Variants in NGB observed in about 807,000 individuals in gnomAD.
The protein encoded by NGB is neuroglobin.
NGB carries 12 observed loss-of-function variants against 17.3 expected under a neutral mutation model. The ratio of observed to expected loss-of-function variants is 0.69; its 90% CI spans 0.45 to 1.13. The LOEUF (loss-of-function observed/expected upper bound fraction) is 1.13, where lower values mean the gene tolerates loss of function less well. Ranked by LOEUF, NGB falls within the 50% of genes most tolerant of loss-of-function variation. NGB has a pLI of 0.00. For missense variants in NGB, 195 were observed against 191.7 expected (o/e 1.02, Z -0.10); for synonymous variants, 87 against 81.0 (o/e 1.07, Z -0.40).
At position 77,270,832 on chromosome 14, in the gene NGB, G is replaced by C. The variant is rs1294537369; in HGVS notation, c.89+17C>G. Reference sequence around the variant, plus strand: ...GCAGCCTCCACCCGCATCCCCGGGCGCTCGTGTAGCCCTCACCTGGCAAAC... The same window carrying C: ...GCAGCCTCCACCCGCATCCCCGGGCCCTCGTGTAGCCCTCACCTGGCAAAC... On this transcript the variant is annotated intron_variant, in intron 1 of 3. Coordinates refer to ENST00000298352, the MANE Select transcript of NGB (RefSeq NM_021257.4). The C allele has an allele frequency of 3.2e-6, 5 of 1,557,302 alleles. No individual in the cohort carries two copies. The African/African-American group carries it at 5.5e-5, about 17-fold the overall frequency.
intron 1 of NGB, among the ~76,000 whole-genome samples, chr14:77,269,819 C>G (rs1474210146): frequency 8.4e-5 from 7 of 83,180 alleles, no homozygotes; most frequent in East Asian, 7.4e-4. Flanking sequence ...CCCCCCCCCC[C>G]CCCCTGCGCT....
chr14:77,269,407 C>G (rs1286165536), intron 1 of NGB, 81 bp from the exon 2 acceptor site: 2 of 957,292 alleles, frequency 2.1e-6, no homozygotes, highest in Admixed American at 4.3e-5. Flanking sequence ...CTGCAGTCAG[C>G]GGGCGGGGGT....
chr14:77,271,019 G>C lies in NGB; in HGVS notation c.-82C>G. 1 of 1,064,322 alleles carries C rather than the reference G, an allele frequency of 9.4e-7. No individual in the cohort carries two copies. Among genetic ancestry groups the C allele is most frequent in the Non-Finnish European group, 1.3e-6 (1 of 768,356 alleles). The allele number at this position is 1,064,322 out of a possible 1,614,324, so 65.9% of individuals were successfully genotyped here. ...CCGCACGTGCCGCGCCATCTCCTCC[G>C]CGACGCGGTCCCCTCCGCCCCTCGT... On this transcript the variant is annotated 5_prime_UTR_variant, in exon 1 of 4. Coordinates refer to ENST00000298352, the MANE Select transcript of NGB (RefSeq NM_021257.4).
At chr14:77,270,042 C>T (rs1465925720) in intron 1 of NGB, among the ~76,000 whole-genome samples, 3 of 151,832 alleles carry the variant, frequency 2.0e-5, no homozygotes, top group Non-Finnish European at 4.4e-5. Flanking sequence ...AGAGGCCCTC[C>T]TCGGCATTTG....
At chr14:77,268,110 A>G (rs1889698435) in intron 3 of NGB, among the ~76,000 whole-genome samples, 1 of 152,250 alleles carries the variant, frequency 6.6e-6, no homozygotes, top group African/African-American at 2.4e-5. Flanking sequence ...CTCCAGCTAC[A>G]CCATGTGGAG....
At chr14:77,268,376 G>C in intron 3 of NGB, 90 bp downstream of exon 3, 2 of 1,394,914 alleles carry the variant, frequency 1.4e-6, no homozygotes, top group Non-Finnish European at 2.0e-6. Flanking sequence ...TATGGGAATG[G>C]GAGAGAGAAC....
At chr14:77,268,369 G>A in intron 3 of NGB, 97 bp downstream of exon 3, 3 of 1,332,340 alleles carry the variant, frequency 2.3e-6, no homozygotes, top group Admixed American at 2.1e-5. Context: ...CTAAGGATAT[G>A]GGAATGGGAG....
In NGB at chr14:77,266,558, C is replaced by T. The variant is rs1889674003; in HGVS notation, c.434G>A (p.Ser145Asn). ...CTCTTACTCGCCATCCCAGCCTCGACTCATGGCCTGCACTACGGCCCCGTA... is the reference window on the plus strand; with the variant it reads ...CTCTTACTCGCCATCCCAGCCTCGATTCATGGCCTGCACTACGGCCCCGTA... ...QLYGAVVQAM[S>N]RGWDGE The change falls in exon 4 of 4, where the codon AGT (serine) becomes AAT (asparagine). Residue 145 changes from serine (S) to asparagine (N), a missense_variant. By Grantham distance (46) the Ser-to-Asn change is conservative. Transcript: ENST00000298352. 3 of 1,613,844 alleles carry T rather than the reference C, an allele frequency of 1.9e-6. No individual in the cohort carries two copies. The African/African-American group carries it at 4.0e-5, about 22-fold the overall frequency.
rs143341202 is a variant in NGB at position 77,269,273 on chromosome 14, T to C, written c.143A>G (p.Gln48Arg). The C allele has an allele frequency of 1.3e-6, 2 of 1,551,760 alleles. No individual in the cohort carries two copies. The highest frequency in any genetic ancestry group is 1.4e-5 in the African/African-American group (1 of 73,082). ...GAGACAGTCCTCTGGGCTGGAGAACTGGCGGCAGTTGTACTGGAAGAGGGG... is the reference window on the plus strand; with the variant it reads ...GAGACAGTCCTCTGGGCTGGAGAACCGGCGGCAGTTGTACTGGAAGAGGGG... ...LLPLFQYNCR[Q>R]FSSPEDCLSS... The change falls in exon 2 of 4, where the codon CAG becomes CGG. Residue 48 changes from glutamine (Q) to arginine (R), a missense_variant. Transcript: ENST00000298352.
rs28909970 is a variant in NGB, at chr14:77,265,926, G to T, written c.*610C>A. On this transcript the variant is annotated 3_prime_UTR_variant, in exon 4 of 4. Transcript: ENST00000298352. The surrounding 1 kb of genome is among the most constrained non-coding windows in gnomAD (Gnocchi z 4.7). The stretch of plus-strand genomic sequence containing the variant: ...GCCAAAGGAAACCGACTCTGTCAGG[G>T]CATCTGCACAGCCCGCGAGACTCAA... 8.4e-3 allele frequency: 1,636 copies of T among 195,808 alleles called. 14 individuals are homozygous for T. The highest frequency in any genetic ancestry group is 0.02 in the South Asian group (216 of 10,734). The allele number at this position is 195,808 out of a possible 1,614,324, so 12.1% of individuals were successfully genotyped here. A position where few individuals can be genotyped will look rare whatever the true frequency, so the allele number is the denominator to read the frequency against.
Position 77,269,122 on chromosome 14 carries a change from T to C in NGB, c.201+93A>G, listed in dbSNP as rs1029439527. The C allele has an allele frequency of 8.7e-6, 7 of 806,154 alleles. No individual in the cohort carries two copies. In the African/African-American group the frequency reaches 1.0e-4, roughly 12 times the overall value. 49.9% of individuals were successfully genotyped at this position (806,154 alleles called of 1,614,324 possible). On this transcript the variant is annotated intron_variant, in intron 2 of 3. Coordinates refer to ENST00000298352, the MANE Select transcript of NGB (RefSeq NM_021257.4). ...TGGGGGAACTGGAAGGGAGTAAGAC[T>C]AGACCTGGGGCAGAAAGTCATTTTC...
At position 77,270,917 on chromosome 14, in the gene NGB, C is replaced by A; in HGVS notation, c.21G>T (p.Glu7Asp). Residue 7 changes from glutamate (E) to aspartate (D), a missense_variant, in exon 1 of 4, where the codon GAG (glutamate) becomes GAT (aspartate). Glu to Asp is a conservative substitution (Grantham distance 45, BLOSUM62 2). Coordinates refer to ENST00000298352, the MANE Select transcript of NGB (RefSeq NM_021257.4). The part of the protein sequence containing the change: MERPEP[E>D]LIRQSWRAVS... ...CTGCCCGCCAGCTCTGCCGGATCAGCTCGGGCTCCGGGCGCTCCATGCTGT... is the reference window on the plus strand; with the variant it reads ...CTGCCCGCCAGCTCTGCCGGATCAGATCGGGCTCCGGGCGCTCCATGCTGT... 6.4e-7 allele frequency: 1 copy of A among 1,567,918 alleles called. No homozygotes were observed.
chr14:77,269,098 G>T, intron 2 of NGB, 117 bp downstream of exon 2: 1 of 666,334 alleles, frequency 1.5e-6, no homozygotes, highest in Non-Finnish European at 2.7e-6. Flanking sequence ...TACCCTGCTT[G>T]GGGGAACTGG....
At position 77,266,650 on chromosome 14, in the gene NGB, G is replaced by A. The variant is rs543596986; in HGVS notation, c.342C>T (p.Leu114=). 6.2e-6 allele frequency: 10 copies of A among 1,614,018 alleles called. No individual in the cohort carries two copies. In the South Asian group the frequency reaches 9.9e-5, roughly 16 times the overall value. Residue 114 remains leucine (L), a synonymous_variant, in exon 4 of 4, where the codon CTC becomes CTT. Transcript: ENST00000298352. ...GGCCCAGACACTTCTCCAGCATGTA[G>A]AGCAGAGACTCACCCACTGTCTGCA... ...SSFSTVGESL[L]YMLEKCLGPA...
chr14:77,269,949 T>G (rs1182149566), intron 1 of NGB, among the ~76,000 whole-genome samples: 5 of 151,552 alleles, frequency 3.3e-5, no homozygotes, highest in Non-Finnish European at 7.4e-5. Flanking sequence ...AGAACTCGCC[T>G]AAGGTCACAC....
intron 1 of NGB, among the ~76,000 whole-genome samples, chr14:77,269,717 T>C (rs12891937): frequency 7.8e-3 from 18 of 2,308 alleles, no homozygotes; most frequent in Non-Finnish European, 0.015. Flanking sequence ...TCTCTCTCTC[T>C]CTCTCTCTCT....
rs1889714413 is a variant in NGB at position 77,269,139 on chromosome 14, G to A, written c.201+76C>T. ...AGTAAGACTAGACCTGGGGCAGAAA[G>A]TCATTTTCTCCATTCTCCACCAGGG... On this transcript the variant is annotated intron_variant, in intron 2 of 3. Coordinates refer to ENST00000298352, the MANE Select transcript of NGB (RefSeq NM_021257.4). The A allele has an allele frequency of 4.2e-6, 4 of 957,198 alleles. No homozygotes were observed. In the South Asian group the frequency reaches 4.3e-5, roughly 10 times the overall value. 59.3% of individuals were successfully genotyped at this position (957,198 alleles called of 1,614,324 possible).
chr14:77,268,751 A>G (rs1374341722), intron 2 of NGB, among the ~76,000 whole-genome samples, 166 bp from the exon 3 acceptor site: 1 of 152,206 alleles, frequency 6.6e-6, no homozygotes, highest in Non-Finnish European at 1.5e-5. Flanking sequence ...TGTAGGGGGC[A>G]CCCGATACGT....
rs1205967656 is a variant in NGB, at chr14:77,265,939, C to G, written c.*597G>C. On this transcript the variant is annotated 3_prime_UTR_variant, in exon 4 of 4. Coordinates refer to ENST00000298352, the MANE Select transcript of NGB (RefSeq NM_021257.4). This position sits in a 1 kb window ranked among gnomAD's most constrained non-coding sequence, Gnocchi z 4.7. ...GACTCTGTCAGGGCATCTGCACAGC[C>G]CGCGAGACTCAAATGAGACCCATTG... 4.0e-6 allele frequency: 1 copy of G among 251,088 alleles called. No individual in the cohort carries two copies. The highest frequency in any genetic ancestry group is 8.3e-6 in the Non-Finnish European group (1 of 120,432). The allele number at this position is 251,088 out of a possible 1,614,324, so 15.6% of individuals were successfully genotyped here. A position where few individuals can be genotyped will look rare whatever the true frequency, so the allele number is the denominator to read the frequency against.
Sources: allele counts gnomAD v4.1 joint callset (sites outside exome capture counted in the v4.1 genomes callset), GRCh38; gene constraint gnomAD v4.1.1; non-coding constraint Gnocchi (gnomAD v3.1); transcripts MANE v1.5; gene names NCBI Gene and HGNC (gene_info 2026-07-23, HGNC 2026-07-21).